OXSR1: variants seen among roughly 807,000 people sequenced by gnomAD.
OXSR1 encodes oxidative stress responsive kinase 1.
A neutral mutation model predicts 79.8 loss-of-function variants in OXSR1; 24 were observed. The observed-to-expected ratio is 0.30, with a 90% confidence interval of 0.22 to 0.42. OXSR1 has a LOEUF of 0.42. Ranked by LOEUF, OXSR1 falls within the 10% of genes least tolerant of loss-of-function variation. OXSR1 has a pLI of 1.00. For synonymous variants in OXSR1, 226 were observed against 209.2 expected (o/e 1.08, Z -0.69); for missense variants, 430 against 618.4 (o/e 0.70, Z 3.23).
chr3:38,198,060 C>G (rs1218791324), intron 3 of OXSR1, among the ~76,000 whole-genome samples: 16 of 152,116 alleles, frequency 1.1e-4, no homozygotes. Flanking sequence ...CTTTTAATTA[C>G]TATATAGGTG....
At chr3:38,167,111 TCTC>T (rs990959847) in intron 1 of OXSR1, among the ~76,000 whole-genome samples, 1 of 152,190 alleles carries the variant, frequency 6.6e-6, no homozygotes, top group Non-Finnish European at 1.5e-5. Context: ...TTAGGGATCT[TCTC>T]AGCTTTGGTA....
At chr3:38,246,684 C>T (rs189520678) in intron 13 of OXSR1, among the ~76,000 whole-genome samples, 45 of 151,974 alleles carry the variant, frequency 3.0e-4, no homozygotes, top group Admixed American at 2.6e-3. Flanking sequence ...TTGTTAAGTC[C>T]GGGTATTATA....
At chr3:38,181,438 C>G (rs199378) in intron 1 of OXSR1, among the ~76,000 whole-genome samples, 2 of 151,062 alleles carry the variant, frequency 1.3e-5, no homozygotes, top group African/African-American at 2.4e-5. Context: ...TCACTGCAAC[C>G]TCCGCCTCCC....
chr3:38,212,086 T>C (rs1254972744), intron 4 of OXSR1, among the ~76,000 whole-genome samples: 2 of 151,726 alleles, frequency 1.3e-5, no homozygotes, highest in Non-Finnish European at 2.9e-5. Context: ...ATTTAATTGG[T>C]TTGGAATGAG....
In OXSR1 at chr3:38,250,813, C is replaced by T. The variant is rs34683227; in HGVS notation, c.1376-590C>T. On this transcript the variant is annotated intron_variant, in intron 15 of 17. Coordinates refer to ENST00000311806, the MANE Select transcript of OXSR1 (RefSeq NM_005109.3). ...GCCTGTGTGAATGTGTGGACACTGT[C>T]TCCACCGCAGTCCTCCTGTTCCCTC... is the stretch of plus-strand genomic sequence containing the variant. Among the ~76,000 whole-genome samples, 381 of 152,276 alleles carry T rather than the reference C, an allele frequency of 2.5e-3. 4 individuals are homozygous for T. Among genetic ancestry groups the T allele is most frequent in the African/African-American group, 7.8e-3 (326 of 41,552 alleles).
Position 38,223,707 on chromosome 3 carries a change from C to A in OXSR1, c.601-105C>A, listed in dbSNP as rs35492647. On this transcript the variant is annotated intron_variant, in intron 6 of 17. Transcript: ENST00000311806. ...TCAGGTGATTCGCCTGCCTCAGCCT[C>A]CCAAAGTGCTGGGATTACAGGTGTG... is the stretch of plus-strand genomic sequence containing the variant. The A allele has an allele frequency of 8.9e-4, 587 of 658,158 alleles. 6 individuals are homozygous for A. In the East Asian group the frequency reaches 0.017, roughly 19 times the overall value. The allele number at this position is 658,158 out of a possible 1,614,324, so 40.8% of individuals were successfully genotyped here. A position where few individuals can be genotyped will look rare whatever the true frequency, so the allele number is the denominator to read the frequency against.
chr3:38,216,985 CAG>C (rs1702493490), intron 5 of OXSR1, among the ~76,000 whole-genome samples: 1 of 151,838 alleles, frequency 6.6e-6, no homozygotes, highest in African/African-American at 2.4e-5. Flanking sequence ...TTACTATTAA[CAG>C]AGTAAAAGGG....
rs1209985399 is a variant in OXSR1, at chr3:38,252,776, T to C, written c.1510-41T>C. ...GTTTTATTTGCTACCTGCAAGTTTG[T>C]TTATAAATAATCACAGTTTCTCATT... On this transcript the variant is annotated intron_variant, in intron 17 of 17. Transcript: ENST00000311806. 5.9e-6 allele frequency: 9 copies of C among 1,530,982 alleles called. No homozygotes were observed. The South Asian group carries it at 1.0e-4, about 17-fold the overall frequency. 94.8% of individuals were successfully genotyped at this position (1,530,982 alleles called of 1,614,324 possible). A position where few individuals can be genotyped will look rare whatever the true frequency, so the allele number is the denominator to read the frequency against.
At chr3:38,186,597 A>T (rs886794935) in intron 2 of OXSR1, among the ~76,000 whole-genome samples, 1 of 152,302 alleles carries the variant, frequency 6.6e-6, no homozygotes, top group Middle Eastern at 3.4e-3. Flanking sequence ...TTCATTTAGC[A>T]TGTTTCCAAA....
At chr3:38,216,688 T>C (rs272576) in intron 5 of OXSR1, among the ~76,000 whole-genome samples, 144,721 of 152,162 alleles carry the variant, frequency 0.95, 68,853 homozygotes, top group African/African-American at 0.97. Flanking sequence ...GACTCCAGAA[T>C]GACTGTACCC....
chr3:38,254,718 GTT>G lies in OXSR1; in HGVS notation c.*1838_*1839del, dbSNP rs557569901. On this transcript the variant is annotated 3_prime_UTR_variant, in exon 18 of 18. Coordinates refer to ENST00000311806, the MANE Select transcript of OXSR1 (RefSeq NM_005109.3). The stretch of plus-strand genomic sequence containing the variant: ...GGCTTACCGCTTACCTTAGAGTTTT[GTT>G]TTTTTTTTTTCAAACCCATCAAAAT... 2 of 143,642 alleles carry G rather than the reference GTT, an allele frequency of 1.4e-5. No individual in the cohort carries two copies. Among genetic ancestry groups the G allele is most frequent in the Non-Finnish European group, 3.1e-5 (2 of 65,020 alleles). 8.9% of individuals were successfully genotyped at this position (143,642 alleles called of 1,614,324 possible).
intron 5 of OXSR1, among the ~76,000 whole-genome samples, chr3:38,219,272 T>TA (rs1702542592): frequency 1.3e-5 from 2 of 152,158 alleles, no homozygotes; most frequent in Admixed American, 1.3e-4. Context: ...TCTGGATCAT[T>TA]ATTAAGTTCT....
Position 38,211,222 on chromosome 3 carries a change from A to G in OXSR1, c.435-4874A>G, listed in dbSNP as rs9837774. Among the ~76,000 whole-genome samples the G allele has an allele frequency of 6.6e-3, 998 of 152,284 alleles. 10 individuals are homozygous for G. The highest frequency in any genetic ancestry group is 0.023 in the African/African-American group (962 of 41,560). ...TTGGGCATTCTGTCTGGTCCTTCAT[A>G]TCAGCTAACCTGCAAATCAGCATCC... On this transcript the variant is annotated intron_variant, in intron 4 of 17. Coordinates refer to ENST00000311806, the MANE Select transcript of OXSR1 (RefSeq NM_005109.3).
At position 38,254,088 on chromosome 3, in the gene OXSR1, A is replaced by AC; in HGVS notation, c.*1199dup. On this transcript the variant is annotated 3_prime_UTR_variant, in exon 18 of 18. Transcript: ENST00000311806. ...GTGAGGTTGATTTTTCTTTTTTCCT[A>AC]CCGTTTCATAGTCTTTGTCTAACTG... The AC allele has an allele frequency of 2.5e-6, 1 of 398,082 alleles. No homozygotes were observed. The highest frequency in any genetic ancestry group is 4.4e-6 in the Non-Finnish European group (1 of 225,594). The allele number at this position is 398,082 out of a possible 1,614,324, so 24.7% of individuals were successfully genotyped here. A position where few individuals can be genotyped will look rare whatever the true frequency, so the allele number is the denominator to read the frequency against.
At chr3:38,217,292 G>GA (rs901745442) in intron 5 of OXSR1, among the ~76,000 whole-genome samples, 57 of 152,106 alleles carry the variant, frequency 3.7e-4, no homozygotes, top group African/African-American at 1.3e-3. Flanking sequence ...ATAAAGCAAG[G>GA]AAAAAAATCT....
chr3:38,247,906 TGCATGTTA>T (rs959874326), intron 14 of OXSR1, among the ~76,000 whole-genome samples, 174 bp downstream of exon 14: 34 of 152,334 alleles, frequency 2.2e-4, no homozygotes, highest in African/African-American at 7.9e-4. Flanking sequence ...TGTGAGGACC[TGCATGTTA>T]GCAGGTGTTG....
intron 10 of OXSR1, among the ~76,000 whole-genome samples, chr3:38,233,290 C>T (rs1390444694): frequency 2.0e-5 from 3 of 152,164 alleles, no homozygotes; most frequent in Admixed American, 1.3e-4. Flanking sequence ...CTTATTACCC[C>T]ATAGACAAGA....
In OXSR1 at chr3:38,254,501, G is replaced by A. The variant is rs1703321141; in HGVS notation, c.*1610G>A. The A allele has an allele frequency of 5.5e-6, 2 of 362,428 alleles. No individual in the cohort carries two copies. The highest frequency in any genetic ancestry group is 2.1e-5 in the African/African-American group (1 of 47,920). 22.5% of individuals were successfully genotyped at this position (362,428 alleles called of 1,614,324 possible). On this transcript the variant is annotated 3_prime_UTR_variant, in exon 18 of 18. Coordinates refer to ENST00000311806, the MANE Select transcript of OXSR1 (RefSeq NM_005109.3). ...AGATGATCAGACACCGGAGTTCAAC[G>A]TCCCAGCAGTCTTGGTAAAAGGAGG... is the stretch of plus-strand genomic sequence containing the variant.
At chr3:38,241,910 TAA>T (rs372523146) in intron 11 of OXSR1, among the ~76,000 whole-genome samples, 57 of 144,868 alleles carry the variant, frequency 3.9e-4, no homozygotes, top group African/African-American at 1.4e-3. Flanking sequence ...ATAAAAGTGT[TAA>T]AAAAAAAAAA....
Sources: gnomAD v4.1 joint callset for allele counts (sites outside exome capture counted in the v4.1 genomes callset) on GRCh38, gnomAD v4.1.1 for gene constraint, MANE v1.5 for transcripts, NCBI Gene and HGNC (gene_info 2026-07-23, HGNC 2026-07-21) for gene names.